RBL2: variants seen among roughly 807,000 people sequenced by gnomAD.
RBL2 encodes RB transcriptional corepressor like 2.
In RBL2, 56 loss-of-function variants were observed where a neutral mutation model predicts 126.0. That is an observed-to-expected ratio of 0.44 (90% CI 0.36 to 0.56). The LOEUF is 0.56. Among genes scored for constraint, RBL2 ranks in the 20% least tolerant of loss-of-function variants. The probability of loss-of-function intolerance (pLI) is 0.00; values close to 1 mark genes in which losing one functional copy is unlikely to be tolerated. For synonymous variants in RBL2, 454 were observed against 478.5 expected, an observed-to-expected ratio of 0.95 and a Z score of 0.67; for missense variants, 1,229 against 1,398.2, an observed-to-expected ratio of 0.88 and a Z score of 1.93.
intron 2 of RBL2, 62 bp downstream of exon 2, chr16:53,439,208 TAGTA>T: frequency 7.4e-7 from 1 of 1,358,572 alleles, no homozygotes; most frequent in African/African-American, 1.5e-5. Context: ...ATCATAGTGA[TAGTA>T]AGAATTATCT....
At chr16:53,446,081 GT>G (rs763064976) in intron 3 of RBL2, among the ~76,000 whole-genome samples, 3 of 151,594 alleles carry the variant, frequency 2.0e-5, no homozygotes, top group Non-Finnish European at 2.9e-5. Context: ...GGTTAGTCAA[GT>G]TTTTTTTTCT....
In RBL2 at chr16:53,480,676, GGAA is replaced by G. The variant is rs1960907990; in HGVS notation, c.2997_2999del (p.Glu1001del). The G allele has an allele frequency of 1.2e-6, 2 of 1,613,792 alleles. No individual in the cohort carries two copies. Among genetic ancestry groups the G allele is most frequent in the East Asian group, 4.5e-5 (2 of 44,880 alleles). Reference sequence around the variant, plus strand: ...GCCTCACAGGTGCCAACAGTGACATGGAAGAAGAGGAGAGGGGAGACCTCATTC... The same window carrying G: ...GCCTCACAGGTGCCAACAGTGACATGGAAGAGGAGAGGGGAGACCTCATTC... On this transcript the variant is annotated inframe_deletion, in exon 20 of 22. Transcript: ENST00000262133.
intron 20 of RBL2, 32 bp from the exon 21 acceptor site, chr16:53,481,639 C>G (rs1960950464): frequency 1.4e-6 from 2 of 1,478,688 alleles, no homozygotes; most frequent in Non-Finnish European, 1.8e-6. Context: ...AAATTTTTTT[C>G]TTAGAATTAC....
intron 1 of RBL2, among the ~76,000 whole-genome samples, chr16:53,437,063 T>C (rs76957702): frequency 6.6e-6 from 1 of 151,938 alleles, no homozygotes; most frequent in Non-Finnish European, 1.5e-5. Flanking sequence ...TTTTTTTTTT[T>C]CTCCCTCCAC....
In RBL2 at chr16:53,470,460, G is replaced by A. The variant is rs2150814294; in HGVS notation, c.2323G>A (p.Gly775Ser). The change falls in exon 16 of 22, where the codon GGC becomes AGC. Residue 775 changes from glycine to serine, a missense_variant. Transcript: ENST00000262133. The part of the protein sequence containing the change: ...NVGGQAQAVT[G>S]SIQPLSAQAL... ...TGGGGGGCAGGCACAAGCTGTGACAGGCTCCATCCAGCCCCTCAGTGCTCA... is the reference window on the plus strand; with the variant it reads ...TGGGGGGCAGGCACAAGCTGTGACAAGCTCCATCCAGCCCCTCAGTGCTCA... The A allele has an allele frequency of 6.2e-7, 1 of 1,614,166 alleles. No homozygotes were observed. Among genetic ancestry groups the A allele is most frequent in the Middle Eastern group, 1.6e-4 (1 of 6,062 alleles).
intron 8 of RBL2, among the ~76,000 whole-genome samples, chr16:53,456,821 A>G (rs560150226): frequency 1.3e-4 from 20 of 152,324 alleles, no homozygotes; most frequent in Admixed American, 3.9e-4. Flanking sequence ...TGCTATGTCA[A>G]TAATAACCAC....
intron 2 of RBL2, among the ~76,000 whole-genome samples, chr16:53,439,752 A>C (rs1174405514): frequency 6.6e-6 from 1 of 152,128 alleles, no homozygotes; most frequent in Non-Finnish European, 1.5e-5. Context: ...GATGTTTAGC[A>C]TTTTGGGGGA....
At chr16:53,454,198 C>T (rs903608543) in intron 7 of RBL2, 5 of 452,720 alleles carry the variant, frequency 1.1e-5, no homozygotes, top group African/African-American at 8.0e-5. Context: ...TGATACTATC[C>T]AGTTTTTGTT....
At chr16:53,481,206 G>GCTCCT (rs1960931392) in intron 20 of RBL2, 2 of 172,510 alleles carry the variant, frequency 1.2e-5, no homozygotes, top group South Asian at 1.3e-4. Flanking sequence ...AAACTGAGGA[G>GCTCCT]GTCTGTAATT....
intron 3 of RBL2, chr16:53,445,836 C>G (rs377521510): frequency 2.6e-5 from 4 of 152,142 alleles, no homozygotes; most frequent in African/African-American, 7.2e-5. Flanking sequence ...CCAGTGCATG[C>G]AATGCAGTGT....
At chr16:53,457,258 CTTTTTT>C (rs756763534) in intron 8 of RBL2, among the ~76,000 whole-genome samples, 7 of 89,954 alleles carry the variant, frequency 7.8e-5, no homozygotes, top group Non-Finnish European at 1.4e-4. Flanking sequence ...GTACAGATAG[CTTTTTT>C]TTTTTTTTTT....
At chr16:53,477,787 T>TTA (rs567193491) in intron 17 of RBL2, among the ~76,000 whole-genome samples, 295 of 151,794 alleles carry the variant, frequency 1.9e-3, no homozygotes, top group African/African-American at 6.4e-3. Flanking sequence ...TATGGGTACA[T>TTA]TATATATATA....
rs140107786 is a variant in RBL2, at chr16:53,455,920, A to G, written c.1179+1078A>G. On this transcript the variant is annotated intron_variant, in intron 8 of 21. Transcript: ENST00000262133. ...TGTGATGGCTCATACTTGTAATCCTAGCACATTGGGAGACTGAGGCAGAAG... is the reference window on the plus strand; with the variant it reads ...TGTGATGGCTCATACTTGTAATCCTGGCACATTGGGAGACTGAGGCAGAAG... 7.7e-4 allele frequency among the ~76,000 whole-genome samples: 118 copies of G among 152,304 alleles called. 2 individuals carry two copies. The East Asian group carries it at 0.021, about 27-fold the overall frequency.
rs1182315458 is a variant in RBL2 at position 53,442,665 on chromosome 16, G to A, written c.379G>A (p.Glu127Lys). 3.1e-6 allele frequency: 5 copies of A among 1,610,438 alleles called. No homozygotes were observed. The highest frequency in any genetic ancestry group is 4.2e-6 in the Non-Finnish European group (5 of 1,177,932). ...ILKCSEQSLI[E>K]FFNKMKKWED... ...GTTTGTCTTTAATACCAGCTTAATC[G>A]AATTTTTTAATAAGATGAAGAAGTG... The change falls in exon 3 of 22, where the codon GAA (glutamate) becomes AAA (lysine). Residue 127 changes from glutamate to lysine, a missense_variant. Glu to Lys is a moderately conservative substitution (Grantham distance 56). Coordinates refer to ENST00000262133, the MANE Select transcript of RBL2 (RefSeq NM_005611.4).
chr16:53,459,866 A>C (rs1244924867), intron 9 of RBL2, among the ~76,000 whole-genome samples: 1 of 151,734 alleles, frequency 6.6e-6, no homozygotes, highest in Non-Finnish European at 1.5e-5. Flanking sequence ...AGTAAAACAC[A>C]AAAGTGTCTT....
chr16:53,438,596 C>T (rs1484883612), intron 1 of RBL2, among the ~76,000 whole-genome samples: 1 of 152,044 alleles, frequency 6.6e-6, no homozygotes. Flanking sequence ...GTAATCCCAG[C>T]ACTTTGGAAG....
At chr16:53,470,244 C>A (rs757721749) in intron 15 of RBL2, 59 bp downstream of exon 15, 2 of 1,563,784 alleles carry the variant, frequency 1.3e-6, no homozygotes, top group East Asian at 2.3e-5. Flanking sequence ...TGAAAAGTTA[C>A]CCGAGGTTTG....
At chr16:53,442,485 A>G (rs567296205) in intron 2 of RBL2, among the ~76,000 whole-genome samples, 173 bp from the exon 3 acceptor site, 1 of 152,324 alleles carries the variant, frequency 6.6e-6, no homozygotes, top group Admixed American at 6.5e-5. Flanking sequence ...GATCAGAGGA[A>G]TATACCAATC....
intron 5 of RBL2, among the ~76,000 whole-genome samples, chr16:53,452,076 G>A (rs1324676825): frequency 6.6e-6 from 1 of 152,172 alleles, no homozygotes; most frequent in Non-Finnish European, 1.5e-5. Context: ...ACTCAACAAG[G>A]AGAAGGCATT....
Sources: gnomAD v4.1 joint callset for allele counts (sites outside exome capture counted in the v4.1 genomes callset) on GRCh38, gnomAD v4.1.1 for gene constraint, MANE v1.5 for transcripts, NCBI Gene and HGNC (gene_info 2026-07-23, HGNC 2026-07-21) for gene names.